Variants in HECW1 observed in about 807,000 individuals in gnomAD.
HECW1 encodes E3 ubiquitin-protein ligase HECW1.
Under a neutral mutation model 182.3 loss-of-function variants are expected in HECW1, and 61 were observed. The observed-to-expected ratio is 0.33, with a 90% confidence interval of 0.27 to 0.41. HECW1 has a LOEUF of 0.41. Among genes scored for constraint, HECW1 ranks in the 10% least tolerant of loss-of-function variants. The probability of loss-of-function intolerance (pLI) is 1.00; values close to 1 mark genes in which losing one functional copy is unlikely to be tolerated. For missense variants in HECW1, 1,739 were observed against 2,108.9 expected (o/e 0.82, Z 3.44); for synonymous variants, 859 against 832.6 (o/e 1.03, Z -0.55).
chr7:43,335,849 C>A (rs908595709), intron 5 of HECW1, among the ~76,000 whole-genome samples: 1 of 149,486 alleles, frequency 6.7e-6, no homozygotes, highest in East Asian at 2.0e-4. Context: ...GACTCCCTTT[C>A]TCCCTTCATC....
rs576984641 is a variant in HECW1 at position 43,479,512 on chromosome 7, C to T, written c.3100-98C>T. The stretch of plus-strand genomic sequence containing the variant: ...GTAGGGGAGGCTGGGCAGAAATAAA[C>T]CTGAGGCCTGGGCCCTGTAGCACTC... On this transcript the variant is annotated intron_variant, in intron 16 of 29. Transcript: ENST00000395891. 1.2e-3 allele frequency: 1,728 copies of T among 1,407,532 alleles called. 3 individuals carry two copies. The highest frequency in any genetic ancestry group is 1.6e-3 in the Non-Finnish European group (1,660 of 1,012,914). The allele number at this position is 1,407,532 out of a possible 1,614,324, so 87.2% of individuals were successfully genotyped here.
chr7:43,316,351 T>G (rs774881787), intron 4 of HECW1, among the ~76,000 whole-genome samples: 9 of 152,194 alleles, frequency 5.9e-5, no homozygotes, highest in Non-Finnish European at 7.3e-5. Context: ...TTCAAGTTAT[T>G]ATTAATGGTT....
At chr7:43,343,886 G>A (rs1306911580) in intron 5 of HECW1, among the ~76,000 whole-genome samples, 2 of 151,684 alleles carry the variant, frequency 1.3e-5, no homozygotes, top group East Asian at 3.9e-4. Flanking sequence ...GTGTAAAAGC[G>A]TTCCTATTTC....
intron 2 of HECW1, among the ~76,000 whole-genome samples, chr7:43,132,233 A>T (rs370654998): frequency 4.0e-5 from 6 of 150,992 alleles, no homozygotes; most frequent in African/African-American, 1.2e-4. Flanking sequence ...TATATTATAG[A>T]TGTTAACTAT....
chr7:43,331,724 G>A (rs1295492401), intron 5 of HECW1, among the ~76,000 whole-genome samples: 3 of 152,200 alleles, frequency 2.0e-5, no homozygotes, highest in Admixed American at 6.5e-5. Context: ...TTACCATGAG[G>A]TGGACGCCAT....
At chr7:43,300,780 A>T (rs1350574386) in intron 3 of HECW1, among the ~76,000 whole-genome samples, 1 of 152,174 alleles carries the variant, frequency 6.6e-6, no homozygotes, top group Non-Finnish European at 1.5e-5. Flanking sequence ...CACACTTATC[A>T]GAGCTGCAGT....
At chr7:43,517,458 T>C (rs755773831) in intron 24 of HECW1, among the ~76,000 whole-genome samples, 4 of 152,098 alleles carry the variant, frequency 2.6e-5, no homozygotes, top group Non-Finnish European at 5.9e-5. Flanking sequence ...GAAGCTCTTT[T>C]GTGCATGTTT....
Position 43,541,935 on chromosome 7 carries a change from G to T in HECW1, c.4185G>T (p.Lys1395Asn). Residue 1395 changes from lysine to asparagine, a missense_variant, in exon 26 of 30, where the codon AAG (lysine) becomes AAT (asparagine). By Grantham distance (94) the Lys-to-Asn change is moderately conservative. Transcript: ENST00000395891. ...EEFHQSLQWM[K>N]DNNITDILDL... ...TCCACCAGAGTTTGCAGTGGATGAA[G>T]GACAACAACATCACAGACATCTTAG... The T allele has an allele frequency of 6.4e-7, 1 of 1,561,518 alleles. No homozygotes were observed. The highest frequency in any genetic ancestry group is 2.4e-5 in the East Asian group (1 of 42,052).
In HECW1 at chr7:43,259,161, G is replaced by T. The variant is rs147183027; in HGVS notation, c.27+15229G>T. Reference sequence around the variant, plus strand: ...CAGCACCTTGGGAGGCAGAGGAGGGGGGATCACCTAAGGTTAGGACTTCGA... The same window carrying T: ...CAGCACCTTGGGAGGCAGAGGAGGGTGGATCACCTAAGGTTAGGACTTCGA... On this transcript the variant is annotated intron_variant, in intron 3 of 29. Transcript: ENST00000395891. 7.7e-3 allele frequency among the ~76,000 whole-genome samples: 1,167 copies of T among 152,228 alleles called. 13 individuals are homozygous for T. The highest frequency in any genetic ancestry group is 0.027 in the African/African-American group (1,120 of 41,528).
intron 4 of HECW1, among the ~76,000 whole-genome samples, chr7:43,313,695 A>C (rs772643545): frequency 7.2e-5 from 11 of 152,270 alleles, no homozygotes; most frequent in Admixed American, 7.2e-4. Context: ...TCCACACTTA[A>C]AATGTAGAAG....
At position 43,541,186 on chromosome 7, in the gene HECW1, T is replaced by G; in HGVS notation, c.4043T>G (p.Leu1348Arg). ...LEWFRFSGRI[L>R]GLALIHQYLL... ...AGGTTCAGGTTTAGCGGTCGCATCC[T>G]GGGTCTGGCTCTGATCCATCAGTAC... Residue 1348 changes from leucine to arginine, a missense_variant, in exon 25 of 30, where the codon CTG becomes CGG. Around this residue, in one of 5 missense-constraint regions of HECW1, gnomAD observed 420 missense variants for 595.7 expected, o/e 0.71. Coordinates refer to ENST00000395891, the MANE Select transcript of HECW1 (RefSeq NM_015052.5). 1 of 1,614,208 alleles carries G rather than the reference T, an allele frequency of 6.2e-7. No individual in the cohort carries two copies. The highest frequency in any genetic ancestry group is 8.5e-7 in the Non-Finnish European group (1 of 1,179,992).
At chr7:43,261,056 G>T (rs1185378392) in intron 3 of HECW1, among the ~76,000 whole-genome samples, 2 of 152,138 alleles carry the variant, frequency 1.3e-5, no homozygotes, top group African/African-American at 4.8e-5. Flanking sequence ...GCTGAAGTAG[G>T]ATTGGAACCC....
intron 2 of HECW1, among the ~76,000 whole-genome samples, chr7:43,196,876 A>G (rs1010566546): frequency 6.6e-6 from 1 of 152,112 alleles, no homozygotes; most frequent in Non-Finnish European, 1.5e-5. Context: ...AAATTAAACT[A>G]TGTTTTAAAT....
chr7:43,407,679 A>G lies in HECW1; in HGVS notation c.749A>G (p.Glu250Gly), dbSNP rs773989646. The G allele has an allele frequency of 2.5e-6, 4 of 1,613,780 alleles. No individual in the cohort carries two copies. In the Admixed American group the frequency reaches 6.7e-5, roughly 27 times the overall value. Residue 250 changes from glutamate to glycine, a missense_variant, in exon 8 of 30, where the codon GAG becomes GGG. This residue lies in a region of HECW1 where 279 missense variants were observed against 353.1 expected (regional missense o/e 0.79). Transcript: ENST00000395891. ...IFPALPHHGQERRSKIIGNTV... is the reference protein window; with the variant it reads ...IFPALPHHGQGRRSKIIGNTV... ...CCCGCCCTCCCTCACCATGGACAGG[A>G]GAGGAGATCCAAGATCATAGGCAAC...
At chr7:43,368,470 G>T (rs1816917786) in intron 6 of HECW1, among the ~76,000 whole-genome samples, 1 of 152,220 alleles carries the variant, frequency 6.6e-6, no homozygotes. Context: ...TTTCAGGTTT[G>T]ATCAGCAGTG....
At position 43,335,343 on chromosome 7, in the gene HECW1, A is replaced by G. The variant is rs187795915; in HGVS notation, c.460+14601A>G. On this transcript the variant is annotated intron_variant, in intron 5 of 29. Coordinates refer to ENST00000395891, the MANE Select transcript of HECW1 (RefSeq NM_015052.5). ...AAGTCTAGCTGCTTGACACATATGAAGTGGTTATGGTGACCTTACAACCTC... is the reference window on the plus strand; with the variant it reads ...AAGTCTAGCTGCTTGACACATATGAGGTGGTTATGGTGACCTTACAACCTC... Among the ~76,000 whole-genome samples the G allele has an allele frequency of 7.9e-5, 12 of 152,316 alleles. No homozygotes were observed. In the East Asian group the frequency reaches 2.3e-3, roughly 29 times the overall value.
chr7:43,378,337 G>A (rs7794449), intron 6 of HECW1, among the ~76,000 whole-genome samples: 1 of 152,086 alleles, frequency 6.6e-6, no homozygotes, highest in Admixed American at 6.5e-5. Flanking sequence ...GAGAGGACTT[G>A]TCAGGAATAG....
intron 24 of HECW1, among the ~76,000 whole-genome samples, chr7:43,532,827 G>A (rs1202620603): frequency 6.6e-6 from 1 of 152,198 alleles, no homozygotes; most frequent in African/African-American, 2.4e-5. Flanking sequence ...TGGTGGGGTA[G>A]GAAGTACACT....
At chr7:43,171,185 T>G (rs761054925) in intron 2 of HECW1, among the ~76,000 whole-genome samples, 1 of 152,176 alleles carries the variant, frequency 6.6e-6, no homozygotes, top group Non-Finnish European at 1.5e-5. Context: ...GACTTTCTTA[T>G]GCGGAATGAA....
Sources: gnomAD v4.1 joint callset for allele counts (sites outside exome capture counted in the v4.1 genomes callset) on GRCh38, gnomAD v4.1.1 for gene constraint, gnomAD v4.1.1 regional missense constraint, MANE v1.5 for transcripts, NCBI Gene and HGNC (gene_info 2026-07-23, HGNC 2026-07-21) for gene names.